Variants in SREBF2 observed in about 807,000 individuals in gnomAD.
SREBF2 encodes sterol regulatory element binding transcription factor 2.
In SREBF2, 55 loss-of-function variants were observed where a neutral mutation model predicts 113.1. The observed-to-expected ratio is 0.49, with a 90% CI of 0.39 to 0.61. The LOEUF is 0.61. Ranked by LOEUF, SREBF2 falls within the 20% of genes least tolerant of loss-of-function variation. The probability of loss-of-function intolerance (pLI) is 0.00; values close to 1 mark genes in which losing one functional copy is unlikely to be tolerated. For missense variants in SREBF2, 1,349 were observed against 1,487.4 expected (o/e 0.91, Z 1.53); for synonymous variants, 593 against 605.7 (o/e 0.98, Z 0.31).
intron 11 of SREBF2, chr22:41,891,508 C>G (rs1376653584): frequency 1.3e-5 from 2 of 152,208 alleles, no homozygotes; most frequent in Admixed American, 6.5e-5. Flanking sequence ...CAGGTTCCCC[C>G]TGGAGAGAGA....
At chr22:41,839,785 G>A (rs940049739) in intron 1 of SREBF2, among the ~76,000 whole-genome samples, 1 of 151,998 alleles carries the variant, frequency 6.6e-6, no homozygotes, top group African/African-American at 2.4e-5. Context: ...GTGGACATTT[G>A]GGCCGTTTCC....
At chr22:41,846,091 G>A (rs1236951558) in intron 1 of SREBF2, among the ~76,000 whole-genome samples, 2 of 152,216 alleles carry the variant, frequency 1.3e-5, no homozygotes, top group African/African-American at 4.8e-5. Flanking sequence ...CCACACTCTT[G>A]ATAACTGTGC....
intron 1 of SREBF2, among the ~76,000 whole-genome samples, chr22:41,865,551 A>G (rs1175637992): frequency 1.3e-5 from 2 of 152,178 alleles, no homozygotes; most frequent in Non-Finnish European, 1.5e-5. Flanking sequence ...TGACCAGGGA[A>G]GAGGCCCTGG....
intron 4 of SREBF2, 116 bp downstream of exon 4, chr22:41,871,151 A>C: frequency 4.4e-6 from 6 of 1,367,720 alleles, no homozygotes; most frequent in Non-Finnish European, 5.0e-6. Context: ...CTATAGCACA[A>C]ATCAGTCAAA....
chr22:41,894,434 C>T lies in SREBF2; in HGVS notation c.2378-386C>T, dbSNP rs530636382. On this transcript the variant is annotated intron_variant, in intron 12 of 18. Transcript: ENST00000361204. ...GTCATGAGCGTGGCAGCAGCTACCA[C>T]CTTTTTTTCCTTGCCTGGTGGTTCT... Among the ~76,000 whole-genome samples, 5 of 152,302 alleles carry T rather than the reference C, an allele frequency of 3.3e-5. No homozygotes were observed. In the South Asian group the frequency reaches 8.3e-4, roughly 25 times the overall value.
rs771735100 is a variant in SREBF2, at chr22:41,903,002, G to C, written c.2940G>C (p.Leu980=). ...VVQLLTCDLL[L]SLRTALWQKQ... is the part of the protein sequence containing the mutation. The stretch of plus-strand genomic sequence containing the variant: ...AGCTGCTCACCTGTGACCTGCTACT[G>C]TCGCTACGGACAGCGCTCTGGCAAA... The change falls in exon 17 of 19, where the codon CTG becomes CTC. Residue 980 remains leucine (L), a synonymous_variant. Transcript: ENST00000361204. 6.2e-7 allele frequency: 1 copy of C among 1,611,846 alleles called. No individual in the cohort carries two copies.
At chr22:41,858,559 A>G (rs2076997504) in intron 1 of SREBF2, among the ~76,000 whole-genome samples, 1 of 152,180 alleles carries the variant, frequency 6.6e-6, no homozygotes, top group Non-Finnish European at 1.5e-5. Context: ...CCTGGGCAAC[A>G]AAGCAAGACC....
chr22:41,843,152 A>C (rs990653316), intron 1 of SREBF2, among the ~76,000 whole-genome samples: 2 of 152,196 alleles, frequency 1.3e-5, no homozygotes, highest in African/African-American at 4.8e-5. Context: ...AATGAATACA[A>C]GACCATTTCA....
At chr22:41,877,097 C>A in intron 7 of SREBF2, 132 bp from the exon 8 acceptor site, 2 of 880,940 alleles carry the variant, frequency 2.3e-6, no homozygotes, top group Non-Finnish European at 3.6e-6. Flanking sequence ...CAGTTCCCAT[C>A]TGGCCTTAGT....
chr22:41,868,010 G>A (rs956487590), intron 2 of SREBF2, among the ~76,000 whole-genome samples: 1 of 152,200 alleles, frequency 6.6e-6, no homozygotes, highest in African/African-American at 2.4e-5. Context: ...GCAGCTTCAA[G>A]TAGCAAGCCT....
At chr22:41,871,123 G>A in intron 4 of SREBF2, 88 bp downstream of exon 4, 3 of 1,557,150 alleles carry the variant, frequency 1.9e-6, no homozygotes, top group Non-Finnish European at 2.6e-6. Context: ...TCTATATGCT[G>A]AGTAGGTATG....
At chr22:41,889,504 C>G (rs1450254549) in intron 11 of SREBF2, among the ~76,000 whole-genome samples, 1 of 152,050 alleles carries the variant, frequency 6.6e-6, no homozygotes, top group Admixed American at 6.6e-5. Flanking sequence ...TTGAAAAAAT[C>G]ATATGTCAAG....
At chr22:41,835,472 G>A (rs374030494) in intron 1 of SREBF2, among the ~76,000 whole-genome samples, 74 of 151,832 alleles carry the variant, frequency 4.9e-4, no homozygotes, top group Non-Finnish European at 8.4e-4. Flanking sequence ...CACCACGCCC[G>A]GCTAATTTTG....
In SREBF2 at chr22:41,893,202, T is replaced by G; in HGVS notation, c.2294T>G (p.Leu765Arg). 1 of 1,614,172 alleles carries G rather than the reference T, an allele frequency of 6.2e-7. No individual in the cohort carries two copies. Among genetic ancestry groups the G allele is most frequent in the South Asian group, 1.1e-5 (1 of 91,088 alleles). The change falls in exon 12 of 19, where the codon CTG (leucine) becomes CGG (arginine). Residue 765 changes from leucine (L) to arginine (R), a missense_variant. Leu to Arg is a moderately radical substitution (Grantham distance 102, BLOSUM62 -2). Coordinates refer to ENST00000361204, the MANE Select transcript of SREBF2 (RefSeq NM_004599.4). ...PDSLRWLCHP[L>R]GQKFFMERSW... ...TCCCTGCGCTGGCTCTGCCACCCCC[T>G]GGGCCAGAAGTTTTTCATGGAGCGG... is the stretch of plus-strand genomic sequence containing the variant.
Position 41,833,386 on chromosome 22 carries a change from G to A in SREBF2, c.88+28G>A. On this transcript the variant is annotated intron_variant, in intron 1 of 18. Coordinates refer to ENST00000361204, the MANE Select transcript of SREBF2 (RefSeq NM_004599.4). The surrounding 1 kb of genome is among the most constrained non-coding windows in gnomAD (Gnocchi z 4.1). Reference sequence around the variant, plus strand: ...GAGTGGTGGGTGGGTGGGAGTGCGGGGGCCGCGCGGGGAGGAAGGGGTTAC... The same window carrying A: ...GAGTGGTGGGTGGGTGGGAGTGCGGAGGCCGCGCGGGGAGGAAGGGGTTAC... 1 of 1,478,338 alleles carries A rather than the reference G, an allele frequency of 6.8e-7. No individual in the cohort carries two copies. The highest frequency in any genetic ancestry group is 9.2e-7 in the Non-Finnish European group (1 of 1,092,614). The allele number at this position is 1,478,338 out of a possible 1,614,324, so 91.6% of individuals were successfully genotyped here. A position where few individuals can be genotyped will look rare whatever the true frequency, so the allele number is the denominator to read the frequency against.
intron 1 of SREBF2, among the ~76,000 whole-genome samples, chr22:41,838,530 C>A (rs762541745): frequency 6.6e-6 from 1 of 151,952 alleles, no homozygotes; most frequent in Admixed American, 6.6e-5. Flanking sequence ...GTCAGGAGTT[C>A]GAGACCAGCT....
chr22:41,850,750 CTTTTTG>C (rs67619147), intron 1 of SREBF2, among the ~76,000 whole-genome samples: 52,136 of 151,370 alleles, frequency 0.34, 9,803 homozygotes, highest in Non-Finnish European at 0.43. Flanking sequence ...TTTTTTCTTT[CTTTTTG>C]TTTTTTTTGA....
At chr22:41,901,658 C>G (rs1374117179) in intron 16 of SREBF2, among the ~76,000 whole-genome samples, 1 of 152,180 alleles carries the variant, frequency 6.6e-6, no homozygotes, top group African/African-American at 2.4e-5. Context: ...GAGACTCCAT[C>G]TTTAAAAAAA....
intron 11 of SREBF2, among the ~76,000 whole-genome samples, chr22:41,892,166 G>A (rs1247413543): frequency 6.6e-6 from 1 of 152,186 alleles, no homozygotes. Context: ...CCTGCACACA[G>A]ATACTTGCCT....
Sources: allele counts gnomAD v4.1 joint callset (sites outside exome capture counted in the v4.1 genomes callset), GRCh38; gene constraint gnomAD v4.1.1; non-coding constraint Gnocchi (gnomAD v3.1); transcripts MANE v1.5; gene names NCBI Gene and HGNC (gene_info 2026-07-23, HGNC 2026-07-21).